The following NCOA3 variants were observed in gnomAD, a reference collection of about 807,000 sequenced individuals.
NCOA3 encodes CBP-interacting protein.
A neutral mutation model predicts 158.8 loss-of-function variants in NCOA3; 51 were observed. The observed-to-expected ratio is 0.32, with a 90% CI of 0.26 to 0.41. The LOEUF (loss-of-function observed/expected upper bound fraction) is 0.41, where lower values mean the gene tolerates loss of function less well. Among genes scored for constraint, NCOA3 ranks in the 10% least tolerant of loss-of-function variants. The pLI, the probability that NCOA3 is intolerant of heterozygous loss-of-function variation, is 1.00. For synonymous variants in NCOA3, 537 were observed against 592.4 expected, an observed-to-expected ratio of 0.91 and a Z score of 1.36; for missense variants, 1,510 against 1,746.6, an observed-to-expected ratio of 0.86 and a Z score of 2.41.
intron 1 of NCOA3, among the ~76,000 whole-genome samples, chr20:47,528,865 C>T (rs2084500461): frequency 6.6e-6 from 1 of 152,144 alleles, no homozygotes; most frequent in South Asian, 2.1e-4. Context: ...CCTCCGCTTC[C>T]TGGGTTCAAG....
intron 1 of NCOA3, among the ~76,000 whole-genome samples, chr20:47,552,042 C>A (rs1474303646): frequency 6.6e-6 from 1 of 152,154 alleles, no homozygotes; most frequent in African/African-American, 2.4e-5. Flanking sequence ...GCAGTGTTGC[C>A]ATGGTGACTG....
rs2086625444 is a variant in NCOA3, at chr20:47,642,394, A to G, written c.3252+10A>G. ...TGAACTTGTCAATCAGGTAGGTTGC[A>G]TTAACATGGAAGTAGGAGAGTGTAT... On this transcript the variant is annotated intron_variant, in intron 17 of 22. Transcript: ENST00000371998. 1 of 1,584,186 alleles carries G rather than the reference A, an allele frequency of 6.3e-7. No individual in the cohort carries two copies. The highest frequency in any genetic ancestry group is 1.4e-5 in the African/African-American group (1 of 73,564).
intron 2 of NCOA3, among the ~76,000 whole-genome samples, chr20:47,614,377 G>A (rs1173578578): frequency 6.6e-6 from 1 of 152,180 alleles, no homozygotes; most frequent in Non-Finnish European, 1.5e-5. Flanking sequence ...TTCTTCCCAA[G>A]AACTTGTTTT....
At chr20:47,594,664 C>CAAA (rs377014290) in intron 2 of NCOA3, among the ~76,000 whole-genome samples, 1,272 of 72,844 alleles carry the variant, frequency 0.017, 92 homozygotes, top group Non-Finnish European at 0.023. Flanking sequence ...GACTCTGTCT[C>CAAA]AAAAAAAAAA....
chr20:47,541,278 A>G (rs1289122070), intron 1 of NCOA3, among the ~76,000 whole-genome samples: 2 of 148,662 alleles, frequency 1.3e-5, no homozygotes, highest in East Asian at 4.0e-4. Context: ...AAGGGTGGAA[A>G]CAAGCATTAA....
intron 1 of NCOA3, among the ~76,000 whole-genome samples, chr20:47,570,076 C>G (rs953223041): frequency 1.6e-4 from 25 of 152,206 alleles, no homozygotes; most frequent in African/African-American, 5.5e-4. Context: ...TATTCTAAGT[C>G]TTTTTTTATG....
Position 47,639,112 on chromosome 20 carries a change from A to G in NCOA3, c.2617A>G (p.Ile873Val), listed in dbSNP as rs1422895243. Reference protein sequence around the residue: ...SVGSSPPVKNISAFPMLPKQP... With the variant: ...SVGSSPPVKNVSAFPMLPKQP... ...TGGCTCAAGTCCTCCAGTAAAAAAT[A>G]TCAGTGCTTTCCCCATGTTACCAAA... Residue 873 changes from isoleucine (I) to valine (V), a missense_variant, in exon 14 of 23, where the codon ATC becomes GTC. This residue lies in a region of NCOA3 where 1,017 missense variants were observed against 1,098.3 expected (regional missense o/e 0.93). Transcript: ENST00000371998. 22 of 1,614,104 alleles carry G rather than the reference A, an allele frequency of 1.4e-5. No homozygotes were observed. Among genetic ancestry groups the G allele is most frequent in the Non-Finnish European group, 1.8e-5 (21 of 1,180,044 alleles).
At chr20:47,610,643 T>A (rs2086027726) in intron 2 of NCOA3, among the ~76,000 whole-genome samples, 1 of 152,214 alleles carries the variant, frequency 6.6e-6, no homozygotes, top group African/African-American at 2.4e-5. Context: ...GTACAGATGA[T>A]GACCTATTCA....
intron 1 of NCOA3, among the ~76,000 whole-genome samples, chr20:47,564,771 G>A (rs370600177): frequency 2.0e-5 from 3 of 152,120 alleles, no homozygotes; most frequent in East Asian, 3.8e-4. Context: ...TGGAAGGGTT[G>A]TGCACGTTTT....
At position 47,635,442 on chromosome 20, in the gene NCOA3, G is replaced by T; in HGVS notation, c.1233G>T (p.Met411Ile). The T allele has an allele frequency of 6.2e-7, 1 of 1,614,170 alleles. No individual in the cohort carries two copies. The highest frequency in any genetic ancestry group is 8.5e-7 in the Non-Finnish European group (1 of 1,180,030). Residue 411 changes from methionine (M) to isoleucine (I), a missense_variant, in exon 11 of 23, where the codon ATG becomes ATT. Met to Ile is a conservative substitution (Grantham distance 10). Coordinates refer to ENST00000371998, the MANE Select transcript of NCOA3 (RefSeq NM_181659.3). ...TGTCGCCAAACCAAGGCTTACAGAT[G>T]CCGAGCAGCAGGGCCTATGGCTTGG... ...MSMSPNQGLQ[M>I]PSSRAYGLAD...
At chr20:47,560,544 A>C (rs2085082448) in intron 1 of NCOA3, among the ~76,000 whole-genome samples, 1 of 152,198 alleles carries the variant, frequency 6.6e-6, no homozygotes, top group Non-Finnish European at 1.5e-5. Flanking sequence ...GTTACTCTGC[A>C]TGCTCACAAC....
At chr20:47,628,562 C>G (rs888791315) in intron 8 of NCOA3, 1 of 152,420 alleles carries the variant, frequency 6.6e-6, no homozygotes, top group African/African-American at 2.4e-5. Context: ...CAGGCACGTG[C>G]CACCATGCCC....
chr20:47,608,279 C>T (rs2146271841), intron 2 of NCOA3, among the ~76,000 whole-genome samples: 1 of 152,144 alleles, frequency 6.6e-6, no homozygotes, highest in Middle Eastern at 3.4e-3. Flanking sequence ...GCATTGCACT[C>T]CAGCCCAGCC....
At position 47,648,999 on chromosome 20, in the gene NCOA3, C is replaced by A; in HGVS notation, c.3547-6C>A. The A allele has an allele frequency of 1.3e-6, 2 of 1,598,778 alleles. No individual in the cohort carries two copies. Among genetic ancestry groups the A allele is most frequent in the Non-Finnish European group, 1.7e-6 (2 of 1,167,060 alleles). On this transcript the variant is annotated splice_polypyrimidine_tract_variant and splice_region_variant and intron_variant, in intron 18 of 22. Coordinates refer to ENST00000371998, the MANE Select transcript of NCOA3 (RefSeq NM_181659.3). Reference sequence around the variant, plus strand: ...CTTGCATTCTAACCAACTTGTCTCACCTCAGTTTTTGAATCAGAGCCGACA... The same window carrying A: ...CTTGCATTCTAACCAACTTGTCTCAACTCAGTTTTTGAATCAGAGCCGACA...
chr20:47,576,645 A>G (rs745596830), intron 1 of NCOA3, among the ~76,000 whole-genome samples: 12 of 152,228 alleles, frequency 7.9e-5, no homozygotes, highest in Non-Finnish European at 1.3e-4. Context: ...GGAAAGCCTT[A>G]TAAGAAAAGG....
chr20:47,627,609 C>G lies in NCOA3; in HGVS notation c.581C>G (p.Thr194Arg), dbSNP rs2086344048. The change falls in exon 7 of 23, where the codon ACA becomes AGA. Residue 194 changes from threonine to arginine, a missense_variant. Thr to Arg is a moderately conservative substitution (Grantham distance 71). Around this residue, in one of 4 missense-constraint regions of NCOA3, gnomAD observed 309 missense variants for 427.1 expected, o/e 0.72. Transcript: ENST00000371998. ...TNETQRQKSHTFNCRMLMKTP... is the reference protein window; with the variant it reads ...TNETQRQKSHRFNCRMLMKTP... ...GAGACCCAAAGACAAAAAAGCCATA[C>G]ATTTAATTGCCGTATGTTGATGAAA... is the stretch of plus-strand genomic sequence containing the variant. 6.2e-7 allele frequency: 1 copy of G among 1,613,558 alleles called. No individual in the cohort carries two copies. Among genetic ancestry groups the G allele is most frequent in the African/African-American group, 1.3e-5 (1 of 74,890 alleles).
At chr20:47,648,831 C>G (rs2086733161) in intron 18 of NCOA3, among the ~76,000 whole-genome samples, 174 bp from the exon 19 acceptor site, 2 of 152,186 alleles carry the variant, frequency 1.3e-5, no homozygotes, top group Non-Finnish European at 2.9e-5. Flanking sequence ...TAGCCAAAGA[C>G]TTTTCAACAT....
chr20:47,629,633 A>G (rs1037177074), intron 8 of NCOA3, among the ~76,000 whole-genome samples: 3 of 152,092 alleles, frequency 2.0e-5, no homozygotes, highest in African/African-American at 7.2e-5. Context: ...GCCCGGCTGT[A>G]TGTTACTTTA....
chr20:47,645,392 A>AT (rs2086671285), intron 17 of NCOA3, among the ~76,000 whole-genome samples: 1 of 151,970 alleles, frequency 6.6e-6, no homozygotes, highest in Non-Finnish European at 1.5e-5. Flanking sequence ...GAGTCTCAAT[A>AT]GATCTGTGGA....
Sources: gnomAD v4.1 joint callset for allele counts (sites outside exome capture counted in the v4.1 genomes callset) on GRCh38, gnomAD v4.1.1 for gene constraint, gnomAD v4.1.1 regional missense constraint, MANE v1.5 for transcripts, NCBI Gene and HGNC (gene_info 2026-07-23, HGNC 2026-07-21) for gene names.